Variants in CDH13 observed in about 807,000 individuals in gnomAD.
The protein encoded by CDH13 is cadherin 13.
CDH13 carries 24 observed loss-of-function variants against 63.8 expected under a neutral mutation model. The ratio of observed to expected loss-of-function variants is 0.38; its 90% CI spans 0.27 to 0.53. The LOEUF is 0.53. Ranked by LOEUF, CDH13 falls within the 20% of genes least tolerant of loss-of-function variation. CDH13 has a pLI of 0.85. For synonymous variants in CDH13, 503 were observed against 355.3 expected (o/e 1.42, Z -4.67); for missense variants, 1,049 against 903.1 (o/e 1.16, Z -2.07).
chr16:83,466,043 A>G (rs954726548), intron 6 of CDH13, among the ~76,000 whole-genome samples: 2 of 152,140 alleles, frequency 1.3e-5, no homozygotes, highest in Non-Finnish European at 2.9e-5. Context: ...GTGCTGAACC[A>G]CAGGAGCTTG....
At chr16:82,954,698 G>T (rs1208427251) in intron 2 of CDH13, 2 of 150,610 alleles carry the variant, frequency 1.3e-5, no homozygotes. Flanking sequence ...TCTATTCACA[G>T]AATTGTGCAA....
rs553137659 is a variant in CDH13, at chr16:83,591,255, T to C, written c.961-11199T>C. Among the ~76,000 whole-genome samples the C allele has an allele frequency of 3.3e-5, 5 of 152,332 alleles. No individual in the cohort carries two copies. In the South Asian group the frequency reaches 8.3e-4, roughly 25 times the overall value. ...AGTGACTCTGACTCTATGTCTTACG[T>C]ACCTGCTATGTACCAGGCATAATGT... On this transcript the variant is annotated intron_variant, in intron 7 of 13. Coordinates refer to ENST00000567109, the MANE Select transcript of CDH13 (RefSeq NM_001257.5).
intron 6 of CDH13, among the ~76,000 whole-genome samples, chr16:83,358,389 A>T (rs1044717736): frequency 1.2e-4 from 19 of 152,218 alleles, no homozygotes; most frequent in African/African-American, 3.9e-4. Flanking sequence ...CCTCAAGGGT[A>T]GAAAATATGT....
At chr16:83,348,679 G>A (rs1405206488) in intron 6 of CDH13, among the ~76,000 whole-genome samples, 1 of 152,184 alleles carries the variant, frequency 6.6e-6, no homozygotes, top group Non-Finnish European at 1.5e-5. Context: ...TGTGTTTGAC[G>A]CTGTGCTCAG....
intron 5 of CDH13, among the ~76,000 whole-genome samples, chr16:83,339,120 A>C (rs181921021): frequency 6.0e-4 from 92 of 152,208 alleles, no homozygotes; most frequent in African/African-American, 2.0e-3. Flanking sequence ...AGGGGGATGG[A>C]GAGAAAAGGG....
intron 6 of CDH13, among the ~76,000 whole-genome samples, chr16:83,446,889 T>C (rs552035516): frequency 3.3e-5 from 5 of 151,972 alleles, no homozygotes; most frequent in Admixed American, 2.6e-4. Flanking sequence ...AAATAAAAGC[T>C]GGGGACCATG....
intron 8 of CDH13, among the ~76,000 whole-genome samples, chr16:83,647,997 G>C (rs146794571): frequency 6.6e-6 from 1 of 152,178 alleles, no homozygotes; most frequent in Non-Finnish European, 1.5e-5. Flanking sequence ...CATTATCCCA[G>C]TTCTTCGCCT....
chr16:82,858,709 C>T (rs1049057116), intron 2 of CDH13: 1 of 596,272 alleles, frequency 1.7e-6, no homozygotes, highest in African/African-American at 1.9e-5. Context: ...TATCTCCATA[C>T]TGCTGTCAGA....
chr16:82,968,311 T>C (rs988675699), intron 2 of CDH13, among the ~76,000 whole-genome samples: 1 of 152,226 alleles, frequency 6.6e-6, no homozygotes, highest in Non-Finnish European at 1.5e-5. Context: ...TCCACCTTCA[T>C]GTCCTGAATC....
chr16:83,134,322 TGGGATTACA>T (rs2036180588), intron 4 of CDH13, among the ~76,000 whole-genome samples: 1 of 152,098 alleles, frequency 6.6e-6, no homozygotes, highest in Non-Finnish European at 1.5e-5. Context: ...CCCAAGTAAC[TGGGATTACA>T]GGCGCCCGCC....
chr16:83,158,118 C>G (rs912795095), intron 4 of CDH13, among the ~76,000 whole-genome samples: 18 of 152,034 alleles, frequency 1.2e-4, no homozygotes, highest in Non-Finnish European at 2.4e-4. Flanking sequence ...TAGGTAAATT[C>G]AGGGGATAAG....
intron 1 of CDH13, among the ~76,000 whole-genome samples, chr16:82,854,100 T>A (rs984216523): frequency 2.6e-5 from 4 of 152,086 alleles, no homozygotes; most frequent in Non-Finnish European, 5.9e-5. Context: ...TGAATTCTCT[T>A]AAGAAATTAA....
intron 1 of CDH13, chr16:82,824,045 CAAG>C (rs2038127966): frequency 6.6e-6 from 1 of 152,062 alleles, no homozygotes; most frequent in Admixed American, 6.6e-5. Context: ...AGGAAATAAA[CAAG>C]AAGAATCTGT....
At chr16:83,135,533 G>A (rs147097162) in intron 4 of CDH13, among the ~76,000 whole-genome samples, 2 of 152,264 alleles carry the variant, frequency 1.3e-5, no homozygotes, top group Non-Finnish European at 2.9e-5. Context: ...GCCTTTCTGT[G>A]TCACCTGCAA....
At chr16:82,865,465 C>T (rs532608163) in intron 2 of CDH13, among the ~76,000 whole-genome samples, 5 of 152,356 alleles carry the variant, frequency 3.3e-5, no homozygotes, top group South Asian at 4.1e-4. Context: ...ACCTGCAGGC[C>T]CAACACCACG....
intron 2 of CDH13, among the ~76,000 whole-genome samples, chr16:82,983,328 A>AT (rs1209811595): frequency 1.3e-5 from 2 of 151,792 alleles, no homozygotes; most frequent in Non-Finnish European, 2.9e-5. Context: ...CTTCGTCCCC[A>AT]TTTTTTCTCA....
intron 2 of CDH13, among the ~76,000 whole-genome samples, chr16:82,982,740 G>A (rs568185085): frequency 1.2e-4 from 19 of 152,246 alleles, no homozygotes; most frequent in African/African-American, 3.4e-4. Flanking sequence ...ACAAGTAAAC[G>A]CATCACAATC....
chr16:83,071,803 A>G (rs965150557), intron 3 of CDH13, among the ~76,000 whole-genome samples: 22 of 152,318 alleles, frequency 1.4e-4, no homozygotes, highest in African/African-American at 5.1e-4. Context: ...TTGAGACAGT[A>G]GGCATGACAG....
chr16:82,955,017 G>T (rs541148669), intron 2 of CDH13, among the ~76,000 whole-genome samples: 1 of 152,216 alleles, frequency 6.6e-6, no homozygotes, highest in East Asian at 1.9e-4. Context: ...TATCACATTT[G>T]TTTATCCACT....
Sources: gnomAD v4.1 joint callset for allele counts (sites outside exome capture counted in the v4.1 genomes callset) on GRCh38, gnomAD v4.1.1 for gene constraint, MANE v1.5 for transcripts, NCBI Gene and HGNC (gene_info 2026-07-23, HGNC 2026-07-21) for gene names.